The following SETD7 variants were observed in gnomAD, a reference collection of about 807,000 sequenced individuals.
SETD7 encodes SET domain containing 7, histone lysine methyltransferase.
A neutral mutation model predicts 41.8 loss-of-function variants in SETD7; 16 were observed. The observed-to-expected ratio is 0.38, with a 90% confidence interval of 0.26 to 0.58. The LOEUF (loss-of-function observed/expected upper bound fraction) is 0.58, where lower values mean the gene tolerates loss of function less well. Among genes scored for constraint, SETD7 ranks in the 20% least tolerant of loss-of-function variants. The pLI is 0.64. For missense variants in SETD7, 346 were observed against 459.7 expected, an observed-to-expected ratio of 0.75 and a Z score of 2.26; for synonymous variants, 163 against 169.7, an observed-to-expected ratio of 0.96 and a Z score of 0.31.
At chr4:139,546,205 T>TA (rs772482625) in intron 2 of SETD7, 1 of 154,576 alleles carries the variant, frequency 6.5e-6, no homozygotes, top group Non-Finnish European at 1.4e-5. Flanking sequence ...CTGACATTAG[T>TA]ATTAAATTAT....
At chr4:139,541,399 G>C (rs996694451) in intron 2 of SETD7, among the ~76,000 whole-genome samples, 1 of 152,176 alleles carries the variant, frequency 6.6e-6, no homozygotes, top group African/African-American at 2.4e-5. Flanking sequence ...GTGTATCAAA[G>C]TATTTTGAAC....
Position 139,542,411 on chromosome 4 carries a change from A to G in SETD7, c.170+4509T>C, listed in dbSNP as rs542993635. Among the ~76,000 whole-genome samples the G allele has an allele frequency of 2.9e-3, 441 of 152,374 alleles. 2 individuals are homozygous for G. The highest frequency in any genetic ancestry group is 9.8e-3 in the African/African-American group (408 of 41,596). Reference sequence around the variant, plus strand: ...AGAAGGGATTTTGAATGTTCTCACCAGAAAGAAATGATGAATCTTTGAGGT... The same window carrying G: ...AGAAGGGATTTTGAATGTTCTCACCGGAAAGAAATGATGAATCTTTGAGGT... On this transcript the variant is annotated intron_variant, in intron 2 of 7. Transcript: ENST00000274031.
Position 139,517,753 on chromosome 4 carries a change from C to T in SETD7, c.920+132G>A, listed in dbSNP as rs6843076. On this transcript the variant is annotated intron_variant, in intron 7 of 7. Coordinates refer to ENST00000274031, the MANE Select transcript of SETD7 (RefSeq NM_030648.4). Reference sequence around the variant, plus strand: ...GAGTTTCAAGTCATAACCCTGAGGCCGATAGCAGAGGACCCATGGTCATTC... The same window carrying T: ...GAGTTTCAAGTCATAACCCTGAGGCTGATAGCAGAGGACCCATGGTCATTC... 0.011 allele frequency: 10,008 copies of T among 911,566 alleles called. 635 individuals carry two copies. In the African/African-American group the frequency reaches 0.15, roughly 13 times the overall value. The allele number at this position is 911,566 out of a possible 1,614,324, so 56.5% of individuals were successfully genotyped here. A position where few individuals can be genotyped will look rare whatever the true frequency, so the allele number is the denominator to read the frequency against.
intron 2 of SETD7, among the ~76,000 whole-genome samples, chr4:139,539,340 A>G (rs1727724075): frequency 6.6e-6 from 1 of 152,238 alleles, no homozygotes; most frequent in Non-Finnish European, 1.5e-5. Context: ...TTATATGACA[A>G]TATATATTAT....
intron 2 of SETD7, among the ~76,000 whole-genome samples, chr4:139,542,105 G>T (rs987493841): frequency 2.6e-5 from 4 of 152,172 alleles, no homozygotes; most frequent in Non-Finnish European, 5.9e-5. Context: ...AATGATCCTA[G>T]AGGACATCAT....
chr4:139,546,880 T>G (rs747796433), intron 2 of SETD7, 40 bp downstream of exon 2: 1 of 1,613,370 alleles, frequency 6.2e-7, no homozygotes, highest in Non-Finnish European at 8.5e-7. Context: ...ATAAAATAAT[T>G]CGGTACCCCC....
At position 139,508,170 on chromosome 4, in the gene SETD7, T is replaced by C. The variant is rs1726761454; in HGVS notation, c.*3493A>G. ...TATTTAAATGTTAAAAATTGTTACA[T>C]TTGGCCTCATTGGCCTTTCTGGGTG... On this transcript the variant is annotated 3_prime_UTR_variant, in exon 8 of 8. Transcript: ENST00000274031. 1 of 152,230 alleles carries C rather than the reference T, an allele frequency of 6.6e-6. No individual in the cohort carries two copies. The highest frequency in any genetic ancestry group is 1.5e-5 in the Non-Finnish European group (1 of 68,040). The allele number at this position is 152,230 out of a possible 1,614,324, so 9.4% of individuals were successfully genotyped here.
intron 2 of SETD7, 59 bp downstream of exon 2, chr4:139,546,861 G>A: frequency 6.2e-7 from 1 of 1,607,546 alleles, no homozygotes; most frequent in South Asian, 1.1e-5. Flanking sequence ...GTTTGTATTA[G>A]TCCTTAACAT....
chr4:139,541,224 C>T (rs1208542291), intron 2 of SETD7, among the ~76,000 whole-genome samples: 1 of 152,272 alleles, frequency 6.6e-6, no homozygotes, highest in African/African-American at 2.4e-5. Context: ...TTCCATAGCC[C>T]CCGCAAAGCC....
chr4:139,547,189 A>C, intron 1 of SETD7, 140 bp from the exon 2 acceptor site: 3 of 1,053,226 alleles, frequency 2.8e-6, no homozygotes, highest in Non-Finnish European at 4.1e-6. Flanking sequence ...CTGGAAAGAA[A>C]GGGTAGTCAG....
intron 2 of SETD7, among the ~76,000 whole-genome samples, chr4:139,544,797 A>AGTGTGTGCGTGTGT (rs1727890657): frequency 6.9e-6 from 1 of 144,840 alleles, no homozygotes; most frequent in Non-Finnish European, 1.5e-5. Flanking sequence ...CCAGATTTAA[A>AGTGTGTGCGTGTGT]GTGTGTGTGT....
chr4:139,532,315 T>G (rs1372680207), intron 3 of SETD7, among the ~76,000 whole-genome samples: 1 of 152,146 alleles, frequency 6.6e-6, no homozygotes, highest in Non-Finnish European at 1.5e-5. Flanking sequence ...GACATAGGCC[T>G]GTAATCCCAG....
Position 139,553,467 on chromosome 4 carries a change from T to G in SETD7, c.40+2631A>C, listed in dbSNP as rs75960124. Among the ~76,000 whole-genome samples, 610 of 152,324 alleles carry G rather than the reference T, an allele frequency of 4.0e-3. 5 individuals carry two copies. The highest frequency in any genetic ancestry group is 0.014 in the African/African-American group (586 of 41,554). ...GCTTCCAAACTCAGTTATCAAGTGT[T>G]TCATAAATTTGACTAACTCATTAAA... On this transcript the variant is annotated intron_variant, in intron 1 of 7. Coordinates refer to ENST00000274031, the MANE Select transcript of SETD7 (RefSeq NM_030648.4).
intron 3 of SETD7, among the ~76,000 whole-genome samples, chr4:139,531,089 C>A (rs1727472264): frequency 6.6e-6 from 1 of 152,090 alleles, no homozygotes; most frequent in Non-Finnish European, 1.5e-5. Flanking sequence ...CTACTGACAC[C>A]CATTTCTCTA....
intron 7 of SETD7, among the ~76,000 whole-genome samples, chr4:139,514,238 T>C (rs1047656819): frequency 6.6e-6 from 1 of 151,998 alleles, no homozygotes; most frequent in Non-Finnish European, 1.5e-5. Context: ...TGAGCTGACA[T>C]TATGCCACTG....
At chr4:139,537,803 T>C (rs1053207867) in intron 2 of SETD7, among the ~76,000 whole-genome samples, 8 of 152,240 alleles carry the variant, frequency 5.3e-5, no homozygotes, top group Non-Finnish European at 7.3e-5. Context: ...CTTATATGAA[T>C]TCGATATGCA....
intron 7 of SETD7, among the ~76,000 whole-genome samples, chr4:139,517,375 TGAGGCAGGAGAATCGCTTGAACCTGG>T (rs1419243903): frequency 6.6e-6 from 1 of 151,052 alleles, no homozygotes; most frequent in Non-Finnish European, 1.5e-5. Context: ...CTTGAGAGGC[TGAGGCAGGAGAATCGCTTGAACCTGG>T]GAGGCAGAGG....
At position 139,546,908 on chromosome 4, in the gene SETD7, T is replaced by C. The variant is rs757586647; in HGVS notation, c.170+12A>G. 3.7e-6 allele frequency: 6 copies of C among 1,614,034 alleles called. No individual in the cohort carries two copies. In the Admixed American group the frequency reaches 8.3e-5, roughly 22 times the overall value. ...GTACCCCCAAAGAACAAAATAAAAC[T>C]GTGAGTGCTACCTGCCATCAAAGAA... On this transcript the variant is annotated intron_variant, in intron 2 of 7. Coordinates refer to ENST00000274031, the MANE Select transcript of SETD7 (RefSeq NM_030648.4).
rs934002339 is a variant in SETD7, at chr4:139,506,640, A to G, written c.*5023T>C. On this transcript the variant is annotated 3_prime_UTR_variant, in exon 8 of 8. Transcript: ENST00000274031. ...TGGCATGTGTGTTCGTATTGCTACT[A>G]TACACAGTGAAAATTTATCCTAATA... The G allele has an allele frequency of 6.5e-6, 1 of 152,756 alleles. No homozygotes were observed. The highest frequency in any genetic ancestry group is 1.9e-4 in the East Asian group (1 of 5,186). 9.5% of individuals were successfully genotyped at this position (152,756 alleles called of 1,614,324 possible).
Sources: allele counts gnomAD v4.1 joint callset (sites outside exome capture counted in the v4.1 genomes callset), GRCh38; gene constraint gnomAD v4.1.1; transcripts MANE v1.5; gene names NCBI Gene and HGNC (gene_info 2026-07-23, HGNC 2026-07-21).